Variants in CACNA2D1 observed in about 807,000 individuals in gnomAD.
CACNA2D1 encodes the protein voltage-dependent calcium channel subunit alpha-2/delta-1.
In CACNA2D1, 53 loss-of-function variants were observed where a neutral mutation model predicts 171.5. That is an observed-to-expected ratio of 0.31 (90% CI 0.25 to 0.39). The LOEUF (loss-of-function observed/expected upper bound fraction) is 0.39. Among genes scored for constraint, CACNA2D1 ranks in the 10% least tolerant of loss-of-function variants. CACNA2D1 has a pLI of 1.00. For missense variants in CACNA2D1, 903 were observed against 1,299.8 expected (o/e 0.69, Z 4.69); for synonymous variants, 442 against 443.1 (o/e 1.00, Z 0.03).
chr7:82,369,250 T>C (rs1280135092), intron 1 of CACNA2D1, among the ~76,000 whole-genome samples: 1 of 152,056 alleles, frequency 6.6e-6, no homozygotes, highest in East Asian at 1.9e-4. Flanking sequence ...GCTTAATACA[T>C]AGTAGGAATT....
chr7:82,297,604 G>A (rs1315816823), intron 3 of CACNA2D1, among the ~76,000 whole-genome samples: 1 of 152,120 alleles, frequency 6.6e-6, no homozygotes, highest in African/African-American at 2.4e-5. Context: ...TTAAACAAAT[G>A]AACAAACAGA....
At chr7:81,983,402 A>G in intron 22 of CACNA2D1, 68 bp from the exon 23 acceptor site, 2 of 1,136,018 alleles carry the variant, frequency 1.8e-6, no homozygotes, top group Non-Finnish European at 2.6e-6. Context: ...AAAGGGGGTC[A>G]TAAACAATAT....
intron 6 of CACNA2D1, among the ~76,000 whole-genome samples, chr7:82,109,999 T>C (rs181551812): frequency 6.6e-6 from 1 of 152,324 alleles, no homozygotes; most frequent in Non-Finnish European, 1.5e-5. Flanking sequence ...ATGTTTAAAA[T>C]TCTAGCGTTT....
At chr7:82,277,703 G>A (rs954364129) in intron 3 of CACNA2D1, among the ~76,000 whole-genome samples, 23 of 137,866 alleles carry the variant, frequency 1.7e-4, no homozygotes, top group African/African-American at 5.9e-4. Context: ...TATAATTGAA[G>A]ATTGTCATAA....
intron 3 of CACNA2D1, among the ~76,000 whole-genome samples, chr7:82,237,369 T>A (rs1430966062): frequency 6.6e-6 from 1 of 151,808 alleles, no homozygotes; most frequent in Non-Finnish European, 1.5e-5. Context: ...GGCATCAGAG[T>A]GATGTGTTAT....
intron 1 of CACNA2D1, among the ~76,000 whole-genome samples, chr7:82,435,072 G>A (rs1830011262): frequency 8.9e-6 from 1 of 112,102 alleles, no homozygotes; most frequent in Admixed American, 1.4e-4. Flanking sequence ...GTCTCACTCT[G>A]TCACCCAGGC....
chr7:82,376,061 T>C (rs1392088807), intron 1 of CACNA2D1, among the ~76,000 whole-genome samples: 3 of 152,124 alleles, frequency 2.0e-5, no homozygotes, highest in Non-Finnish European at 4.4e-5. Flanking sequence ...TCTGTGCTTC[T>C]TTTCTCAAAA....
intron 3 of CACNA2D1, among the ~76,000 whole-genome samples, chr7:82,179,392 G>T (rs1796886826): frequency 6.6e-6 from 1 of 152,092 alleles, no homozygotes; most frequent in Non-Finnish European, 1.5e-5. Context: ...TGATAATCTA[G>T]TCTAAAATCC....
intron 1 of CACNA2D1, among the ~76,000 whole-genome samples, chr7:82,419,547 T>C (rs2129456861): frequency 6.6e-6 from 1 of 152,348 alleles, no homozygotes; most frequent in East Asian, 1.9e-4. Flanking sequence ...AAGGGAAATT[T>C]ACCCCTGGAC....
At chr7:82,200,198 C>T (rs775582992) in intron 3 of CACNA2D1, among the ~76,000 whole-genome samples, 2 of 152,068 alleles carry the variant, frequency 1.3e-5, no homozygotes, top group Non-Finnish European at 2.9e-5. Context: ...GTTTAATACT[C>T]TTAGCGACTC....
At chr7:81,972,487 C>A (rs1029317081) in intron 25 of CACNA2D1, among the ~76,000 whole-genome samples, 1 of 151,766 alleles carries the variant, frequency 6.6e-6, no homozygotes. Context: ...CAGAGCAGTA[C>A]AATCCCAAGA....
intron 3 of CACNA2D1, among the ~76,000 whole-genome samples, chr7:82,281,903 T>C (rs576391466): frequency 6.6e-6 from 1 of 152,156 alleles, no homozygotes; most frequent in African/African-American, 2.4e-5. Flanking sequence ...TTTTTCATGA[T>C]AGCAATTTTG....
chr7:81,955,627 G>GAC (rs2130054229), intron 38 of CACNA2D1, among the ~76,000 whole-genome samples: 1 of 151,806 alleles, frequency 6.6e-6, no homozygotes, highest in African/African-American at 2.4e-5. Flanking sequence ...AGATCAGAAG[G>GAC]ATATAGATTA....
At chr7:82,290,949 G>A (rs1811455424) in intron 3 of CACNA2D1, among the ~76,000 whole-genome samples, 1 of 149,958 alleles carries the variant, frequency 6.7e-6, no homozygotes, top group South Asian at 2.1e-4. Context: ...TTCACTTCTA[G>A]AGCCAGTCAT....
At chr7:82,066,026 T>A (rs79838024) in intron 8 of CACNA2D1, among the ~76,000 whole-genome samples, 4,564 of 152,146 alleles carry the variant, frequency 0.03, 215 homozygotes, top group African/African-American at 0.097. Context: ...GAAAAAAAAT[T>A]AAACCTAAGC....
At chr7:82,193,509 ATG>A (rs1471371854) in intron 3 of CACNA2D1, among the ~76,000 whole-genome samples, 2 of 152,032 alleles carry the variant, frequency 1.3e-5, no homozygotes, top group Non-Finnish European at 1.5e-5. Context: ...CCAAAATGAA[ATG>A]TCTCATTTTT....
chr7:82,130,052 A>G (rs548370336), intron 5 of CACNA2D1, among the ~76,000 whole-genome samples: 2 of 152,372 alleles, frequency 1.3e-5, no homozygotes, highest in Non-Finnish European at 2.9e-5. Flanking sequence ...ATTCTAGAAT[A>G]TAACTATGAC....
chr7:82,232,098 T>TA (rs748852458), intron 3 of CACNA2D1, among the ~76,000 whole-genome samples: 101 of 152,112 alleles, frequency 6.6e-4, no homozygotes, highest in Admixed American at 1.6e-3. Context: ...TTTCTGAGAA[T>TA]AAATACTCAG....
intron 9 of CACNA2D1, among the ~76,000 whole-genome samples, chr7:82,062,086 C>T (rs939327844): frequency 1.3e-5 from 2 of 152,074 alleles, no homozygotes; most frequent in African/African-American, 4.8e-5. Context: ...AATTTGGTAG[C>T]CTTTCATTAG....
Sources: allele counts gnomAD v4.1 joint callset (sites outside exome capture counted in the v4.1 genomes callset), GRCh38; gene constraint gnomAD v4.1.1; transcripts MANE v1.5; gene names NCBI Gene and HGNC (gene_info 2026-07-23, HGNC 2026-07-21).